UVRAG: variants seen among roughly 807,000 people sequenced by gnomAD.
The protein encoded by UVRAG is UV radiation resistance associated, also known as UV radiation resistance-associated gene protein.
Under a neutral mutation model 78.0 loss-of-function variants are expected in UVRAG, and 19 were observed. That is an observed-to-expected ratio of 0.24 (90% confidence interval 0.17 to 0.36). The LOEUF is 0.36. UVRAG is among the 10% of genes least tolerant of loss of function. UVRAG has a pLI of 1.00. For synonymous variants in UVRAG, 323 were observed against 324.6 expected (o/e 1.00, Z 0.05); for missense variants, 740 against 853.8 (o/e 0.87, Z 1.66).
intron 1 of UVRAG, among the ~76,000 whole-genome samples, chr11:75,828,027 GT>G (rs1450705888): frequency 6.6e-6 from 1 of 152,026 alleles, no homozygotes; most frequent in East Asian, 1.9e-4. Flanking sequence ...AAGCTTTCTG[GT>G]TTTTTATTCT....
chr11:76,085,377 C>T (rs1004662868), intron 13 of UVRAG, among the ~76,000 whole-genome samples: 1 of 152,094 alleles, frequency 6.6e-6, no homozygotes, highest in African/African-American at 2.4e-5. Context: ...TGTCAGTGCT[C>T]GTCAAAGTGT....
intron 11 of UVRAG, among the ~76,000 whole-genome samples, chr11:76,015,373 A>G (rs1388878491): frequency 6.6e-6 from 1 of 152,144 alleles, no homozygotes; most frequent in Non-Finnish European, 1.5e-5. Context: ...GTTTAACAAT[A>G]AATTTATGAG....
chr11:75,917,146 C>T (rs566037047), intron 6 of UVRAG, among the ~76,000 whole-genome samples: 9 of 152,172 alleles, frequency 5.9e-5, no homozygotes, highest in South Asian at 2.1e-4. Context: ...AAATTCCTCC[C>T]GTAGTTAGCT....
chr11:75,857,634 T>G (rs1017388680), intron 2 of UVRAG, among the ~76,000 whole-genome samples: 2 of 151,916 alleles, frequency 1.3e-5, no homozygotes, highest in African/African-American at 4.8e-5. Flanking sequence ...GGACTACAGG[T>G]GTATGCCACC....
At chr11:75,882,585 CTTTTTATTTTTA>C (rs2134894562) in intron 4 of UVRAG, among the ~76,000 whole-genome samples, 1 of 151,892 alleles carries the variant, frequency 6.6e-6, no homozygotes, top group South Asian at 2.1e-4. Context: ...GCTTACCATA[CTTTTTATTTTTA>C]AATTTTTTAC....
intron 7 of UVRAG, among the ~76,000 whole-genome samples, chr11:75,977,378 A>C (rs1165869337): frequency 6.6e-6 from 1 of 152,168 alleles, no homozygotes; most frequent in Non-Finnish European, 1.5e-5. Context: ...GTAGATGTCT[A>C]TTAGGTCTGC....
Position 75,944,799 on chromosome 11 carries a change from A to G in UVRAG, c.594-16645A>G, listed in dbSNP as rs534252819. 2.6e-5 allele frequency among the ~76,000 whole-genome samples: 4 copies of G among 152,288 alleles called. No homozygotes were observed. In the East Asian group the frequency reaches 7.7e-4, roughly 29 times the overall value. On this transcript the variant is annotated intron_variant, in intron 6 of 14. Coordinates refer to ENST00000356136, the MANE Select transcript of UVRAG (RefSeq NM_003369.4). ...TATTCAGCTCATCTTAAATTTTAAGATAGAGTTTAATTGTGAAAAGAATAT... is the reference window on the plus strand; with the variant it reads ...TATTCAGCTCATCTTAAATTTTAAGGTAGAGTTTAATTGTGAAAAGAATAT...
chr11:76,135,194 G>T (rs569817454), intron 14 of UVRAG, among the ~76,000 whole-genome samples: 2 of 152,156 alleles, frequency 1.3e-5, no homozygotes, highest in African/African-American at 2.4e-5. Flanking sequence ...ACTAATAAAC[G>T]AATGTAACCT....
At chr11:76,054,215 G>A (rs1950934722) in intron 12 of UVRAG, among the ~76,000 whole-genome samples, 1 of 152,042 alleles carries the variant, frequency 6.6e-6, no homozygotes, top group South Asian at 2.1e-4. Flanking sequence ...AAACTTTGAA[G>A]TCATCCTTGA....
At chr11:75,961,656 T>G in intron 7 of UVRAG, 107 bp downstream of exon 7, 1 of 788,134 alleles carries the variant, frequency 1.3e-6, no homozygotes, top group Non-Finnish European at 1.9e-6. Flanking sequence ...TTTTATCTTC[T>G]TAATTGTCCA....
At chr11:75,882,288 A>G (rs888013520) in intron 4 of UVRAG, among the ~76,000 whole-genome samples, 2 of 152,024 alleles carry the variant, frequency 1.3e-5, no homozygotes, top group Non-Finnish European at 2.9e-5. Flanking sequence ...CTGAGGCGGG[A>G]GGATCACTTG....
At chr11:76,130,446 T>C (rs554851405) in intron 14 of UVRAG, among the ~76,000 whole-genome samples, 79 of 152,302 alleles carry the variant, frequency 5.2e-4, no homozygotes, top group African/African-American at 1.9e-3. Flanking sequence ...AGGGGGTAAA[T>C]CAATTAATTT....
At chr11:75,892,399 T>G in intron 5 of UVRAG, 2 of 985,354 alleles carry the variant, frequency 2.0e-6, no homozygotes, top group Non-Finnish European at 2.4e-6. Context: ...GCAGAGTAAG[T>G]GTTTCCCTCT....
At chr11:75,839,059 G>A (rs1945851779) in intron 1 of UVRAG, 1 of 152,176 alleles carries the variant, frequency 6.6e-6, no homozygotes, top group Non-Finnish European at 1.5e-5. Context: ...GCCAATTTTA[G>A]TGTAGTTTTA....
At chr11:76,076,302 C>T (rs1199490797) in intron 13 of UVRAG, among the ~76,000 whole-genome samples, 1 of 152,160 alleles carries the variant, frequency 6.6e-6, no homozygotes, top group East Asian at 1.9e-4. Flanking sequence ...GCTTAATGGA[C>T]TCACAGATCC....
intron 13 of UVRAG, among the ~76,000 whole-genome samples, chr11:76,075,969 A>G (rs550681529): frequency 2.6e-5 from 4 of 152,272 alleles, no homozygotes; most frequent in African/African-American, 9.6e-5. Context: ...GTATGTATAT[A>G]CGACATGTTA....
At chr11:75,902,868 C>A (rs1014235963) in intron 5 of UVRAG, among the ~76,000 whole-genome samples, 1 of 152,116 alleles carries the variant, frequency 6.6e-6, no homozygotes, top group African/African-American at 2.4e-5. Flanking sequence ...CTCTTTGTAT[C>A]CACTCTGTCT....
chr11:75,919,884 T>C (rs528123106), intron 6 of UVRAG, among the ~76,000 whole-genome samples: 19 of 152,124 alleles, frequency 1.2e-4, no homozygotes, highest in African/African-American at 4.3e-4. Flanking sequence ...TTTTCTATTA[T>C]GCCATGTTGG....
intron 13 of UVRAG, among the ~76,000 whole-genome samples, chr11:76,109,486 C>A (rs1185233582): frequency 6.6e-6 from 1 of 152,194 alleles, no homozygotes; most frequent in African/African-American, 2.4e-5. Context: ...TGAACTCTTA[C>A]AACTATCTTA....
Sources: allele counts gnomAD v4.1 joint callset (sites outside exome capture counted in the v4.1 genomes callset), GRCh38; gene constraint gnomAD v4.1.1; transcripts MANE v1.5; gene names NCBI Gene and HGNC (gene_info 2026-07-23, HGNC 2026-07-21).